TANC2: variants seen among roughly 807,000 people sequenced by gnomAD.
The protein encoded by TANC2 is tetratricopeptide repeat, ankyrin repeat and coiled-coil containing 2.
In TANC2, 26 loss-of-function variants were observed where a neutral mutation model predicts 210.5. The ratio of observed to expected loss-of-function variants is 0.12; its 90% confidence interval spans 0.09 to 0.17. The LOEUF (loss-of-function observed/expected upper bound fraction) is 0.17. Among genes scored for constraint, TANC2 ranks in the 10% least tolerant of loss-of-function variants. The probability of loss-of-function intolerance (pLI) is 1.00; values close to 1 mark genes in which losing one functional copy is unlikely to be tolerated. For synonymous variants in TANC2, 931 were observed against 967.1 expected (o/e 0.96, Z 0.69); for missense variants, 2,129 against 2,608.9 (o/e 0.82, Z 4.01).
intron 14 of TANC2, among the ~76,000 whole-genome samples, chr17:63,368,794 CA>C (rs1393172849): frequency 3.3e-5 from 5 of 152,058 alleles, no homozygotes; most frequent in Admixed American, 1.3e-4. Context: ...CTCAACTTCC[CA>C]AAATTTTAGC....
rs536477474 is a variant in TANC2 at position 63,302,660 on chromosome 17, C to T, written c.1160-11728C>T. 1.1e-3 allele frequency among the ~76,000 whole-genome samples: 125 copies of T among 116,314 alleles called. 1 individual carries two copies. The highest frequency in any genetic ancestry group is 1.8e-3 in the Non-Finnish European group (104 of 56,928). 76.3% of individuals were successfully genotyped at this position (116,314 alleles called of 152,430 possible). On this transcript the variant is annotated intron_variant, in intron 9 of 27. Coordinates refer to ENST00000689528, the Ensembl canonical transcript of TANC2. Reference sequence around the variant, plus strand: ...ATTTGCTTGGTAAATTTTCCTCCATCCCTTTATTTTGAGCCTATGTGTGTC... The same window carrying T: ...ATTTGCTTGGTAAATTTTCCTCCATTCCTTTATTTTGAGCCTATGTGTGTC...
rs556899691 is a variant in TANC2, at chr17:63,420,584, C to T, written c.4854C>T (p.Ser1618=). The change falls in exon 28 of 28, where the codon TCC becomes TCT. Residue 1618 remains serine (S), a synonymous_variant. Coordinates refer to ENST00000689528, the Ensembl canonical transcript of TANC2. This position sits in a 1 kb window ranked among gnomAD's most constrained non-coding sequence, Gnocchi z 4.2. ...AAGAATACCCAAGCCCTCCCCCTTC[C>T]CCTCTCCGGAGAGGCCCTCAGTATC... 14 of 1,613,920 alleles carry T rather than the reference C, an allele frequency of 8.7e-6. No individual in the cohort carries two copies. The South Asian group carries it at 1.5e-4, about 18-fold the overall frequency.
chr17:63,085,440 A>G (rs2036924080), intron 3 of TANC2, among the ~76,000 whole-genome samples: 1 of 151,564 alleles, frequency 6.6e-6, no homozygotes, highest in African/African-American at 2.4e-5. Flanking sequence ...TCAAAATTTT[A>G]TATAATTCCA....
intron 4 of TANC2, among the ~76,000 whole-genome samples, chr17:63,142,267 G>A (rs1272127318): frequency 6.6e-6 from 1 of 152,114 alleles, no homozygotes; most frequent in Non-Finnish European, 1.5e-5. Flanking sequence ...TACTAATTCA[G>A]TTTATTTACT....
chr17:63,072,204 A>G (rs2036421115), intron 2 of TANC2, among the ~76,000 whole-genome samples: 1 of 152,144 alleles, frequency 6.6e-6, no homozygotes, highest in South Asian at 2.1e-4. Context: ...TAGAAATTAA[A>G]TTTGAGTTGG....
chr17:63,311,042 T>C (rs2045107914), intron 9 of TANC2, among the ~76,000 whole-genome samples: 1 of 152,226 alleles, frequency 6.6e-6, no homozygotes, highest in African/African-American at 2.4e-5. Context: ...TTCAGATTGG[T>C]AAAAGACCTT....
Position 63,412,240 on chromosome 17 carries a change from C to G in TANC2, c.3898+110C>G. 1 of 1,454,052 alleles carries G rather than the reference C, an allele frequency of 6.9e-7. No homozygotes were observed. Among genetic ancestry groups the G allele is most frequent in the East Asian group, 2.4e-5 (1 of 42,458 alleles). 90.1% of individuals were successfully genotyped at this position (1,454,052 alleles called of 1,614,324 possible). ...GAGTGTATATAGTTCCCCCTCCTCCCTGGCCCAATTATTGTCCAAGTGAAC... is the reference window on the plus strand; with the variant it reads ...GAGTGTATATAGTTCCCCCTCCTCCGTGGCCCAATTATTGTCCAAGTGAAC... On this transcript the variant is annotated intron_variant, in intron 23 of 27. Transcript: ENST00000689528. The surrounding 1 kb of genome is among the most constrained non-coding windows in gnomAD (Gnocchi z 4.2).
chr17:63,290,581 G>A (rs1598786262), intron 9 of TANC2, among the ~76,000 whole-genome samples: 1 of 152,184 alleles, frequency 6.6e-6, no homozygotes. Context: ...GGCAGTCACA[G>A]GATTTGCCTC....
In TANC2 at chr17:63,418,281, C is replaced by T. The variant is rs2048925628; in HGVS notation, c.4168-26C>T. 5.6e-6 allele frequency: 9 copies of T among 1,595,376 alleles called. No individual in the cohort carries two copies. Among genetic ancestry groups the T allele is most frequent in the Non-Finnish European group, 7.7e-6 (9 of 1,166,314 alleles). ...TATTTTTTATATCTCATCAATGACT[C>T]ATTTGCACACCTATTGTAATGACAG... On this transcript the variant is annotated intron_variant, in intron 26 of 27. Coordinates refer to ENST00000689528, the Ensembl canonical transcript of TANC2. This position sits in a 1 kb window ranked among gnomAD's most constrained non-coding sequence, Gnocchi z 4.6.
chr17:63,095,188 T>C (rs569647377), intron 3 of TANC2, among the ~76,000 whole-genome samples: 5 of 152,180 alleles, frequency 3.3e-5, no homozygotes, highest in African/African-American at 1.2e-4. Context: ...GTTGTTTTTT[T>C]CAGTAGAGAC....
Position 63,412,255 on chromosome 17 carries a change from TCC to T in TANC2, c.3898+126_3898+127del, listed in dbSNP as rs1247743613. 2.2e-6 allele frequency: 3 copies of T among 1,360,792 alleles called. No homozygotes were observed. The highest frequency in any genetic ancestry group is 3.0e-6 in the Non-Finnish European group (3 of 996,950). The allele number at this position is 1,360,792 out of a possible 1,614,324, so 84.3% of individuals were successfully genotyped here. ...CCCCTCCTCCCTGGCCCAATTATTGTCCAAGTGAACAGAGAGGCTCTTGGCCC... is the reference window on the plus strand; with the variant it reads ...CCCCTCCTCCCTGGCCCAATTATTGTAAGTGAACAGAGAGGCTCTTGGCCC... On this transcript the variant is annotated intron_variant, in intron 23 of 27. Coordinates refer to ENST00000689528, the Ensembl canonical transcript of TANC2. This position sits in a 1 kb window ranked among gnomAD's most constrained non-coding sequence, Gnocchi z 4.2.
chr17:63,139,862 C>G (rs966859450), intron 4 of TANC2, among the ~76,000 whole-genome samples: 10 of 152,178 alleles, frequency 6.6e-5, no homozygotes, highest in Admixed American at 2.6e-4. Flanking sequence ...TGTGATCACA[C>G]TACTGCACTT....
chr17:63,385,073 C>T (rs1431462059), intron 15 of TANC2, among the ~76,000 whole-genome samples: 1 of 152,098 alleles, frequency 6.6e-6, no homozygotes, highest in Non-Finnish European at 1.5e-5. Context: ...ATAAATTCTA[C>T]CTCCTAGGGC....
chr17:63,366,468 G>C (rs981378154), intron 14 of TANC2, among the ~76,000 whole-genome samples: 1 of 152,176 alleles, frequency 6.6e-6, no homozygotes, highest in Admixed American at 6.5e-5. Flanking sequence ...GACTACCGTT[G>C]GTGTTTCAAA....
chr17:63,188,726 G>A (rs538820694), intron 5 of TANC2, among the ~76,000 whole-genome samples: 14 of 152,048 alleles, frequency 9.2e-5, no homozygotes, highest in Admixed American at 2.0e-4. Context: ...ATGGGTACAT[G>A]GTTCTATCTG....
chr17:63,202,320 A>C (rs1441040873), intron 7 of TANC2, among the ~76,000 whole-genome samples: 3 of 152,156 alleles, frequency 2.0e-5, no homozygotes, highest in African/African-American at 7.2e-5. Flanking sequence ...CTCTGTGAGA[A>C]GATAAAATGG....
intron 5 of TANC2, among the ~76,000 whole-genome samples, chr17:63,176,987 G>C (rs955148422): frequency 4.6e-5 from 7 of 151,876 alleles, no homozygotes; most frequent in Admixed American, 6.6e-5. Context: ...ATTGCGGCTG[G>C]GCACGGTGGC....
At chr17:63,077,134 A>T (rs912982924) in intron 3 of TANC2, among the ~76,000 whole-genome samples, 3 of 151,890 alleles carry the variant, frequency 2.0e-5, no homozygotes, top group Admixed American at 1.3e-4. Context: ...CAGATCGTTC[A>T]TGCTTCTGGG....
At chr17:63,326,149 A>G (rs1567917166) in intron 11 of TANC2, among the ~76,000 whole-genome samples, 3 of 152,346 alleles carry the variant, frequency 2.0e-5, no homozygotes, top group Non-Finnish European at 2.9e-5. Context: ...GGCATACTGT[A>G]AAGCCTAAAT....
Sources: allele counts gnomAD v4.1 joint callset (sites outside exome capture counted in the v4.1 genomes callset), GRCh38; gene constraint gnomAD v4.1.1; non-coding constraint Gnocchi (gnomAD v3.1); transcripts MANE v1.5; gene names NCBI Gene and HGNC (gene_info 2026-07-23, HGNC 2026-07-21).